Variants in HDAC8 observed in about 807,000 individuals in gnomAD.
HDAC8 encodes the protein histone deacetylase 8, also known as histone deacetylase-like 1.
HDAC8 carries 1 observed loss-of-function variant against 32.2 expected under a neutral mutation model. The observed-to-expected ratio is 0.03, with a 90% CI of 0.01 to 0.15. The LOEUF (loss-of-function observed/expected upper bound fraction) is 0.15, where lower values mean the gene tolerates loss of function less well. Ranked by LOEUF, HDAC8 falls within the 10% of genes least tolerant of loss-of-function variation. The pLI, the probability that HDAC8 is intolerant of heterozygous loss-of-function variation, is 1.00. For synonymous variants in HDAC8, 108 were observed against 113.9 expected (o/e 0.95, Z 0.33); for missense variants, 117 against 300.0 (o/e 0.39, Z 4.51).
intron 4 of HDAC8, among the ~76,000 whole-genome samples, chrX:72,534,648 T>A (rs1012341464): frequency 2.7e-5 from 3 of 111,747 alleles, no homozygotes; most frequent in Non-Finnish European, 3.8e-5. Context: ...AAGACTTGTA[T>A]ACTGAAAATT....
At chrX:72,349,134 C>G (rs1046698689) in intron 10 of HDAC8, among the ~76,000 whole-genome samples, 1 of 112,517 alleles carries the variant, frequency 8.9e-6, no homozygotes, top group Non-Finnish European at 1.9e-5. Context: ...GGGTCCAGCT[C>G]TATGCCTTGT....
intron 4 of HDAC8, among the ~76,000 whole-genome samples, chrX:72,550,588 C>T (rs1250594546): frequency 9.1e-6 from 1 of 110,271 alleles, no homozygotes; most frequent in Non-Finnish European, 1.9e-5. Flanking sequence ...TCACGAAACC[C>T]ACCTTGATAT....
chrX:72,415,432 T>C lies in HDAC8; in HGVS notation c.1005+46572A>G, dbSNP rs782035793. Among the ~76,000 whole-genome samples the C allele has an allele frequency of 2.7e-5, 3 of 112,271 alleles. No individual in the cohort carries two copies. The East Asian group carries it at 8.4e-4, about 31-fold the overall frequency. On this transcript the variant is annotated intron_variant, in intron 9 of 10. Transcript: ENST00000373573. ...ATTCTAGTTTCTCTGTTTTCCCACATGAATTTTACCATAATCTTGTCTATA... is the reference window on the plus strand; with the variant it reads ...ATTCTAGTTTCTCTGTTTTCCCACACGAATTTTACCATAATCTTGTCTATA...
At chrX:72,368,576 C>T (rs781866844) in intron 9 of HDAC8, among the ~76,000 whole-genome samples, 75 of 111,342 alleles carry the variant, frequency 6.7e-4, no homozygotes, top group African/African-American at 2.4e-3. Flanking sequence ...AGGATGGTCT[C>T]GATCTCCTGA....
intron 10 of HDAC8, among the ~76,000 whole-genome samples, chrX:72,338,706 T>C (rs1319953919): frequency 9.9e-6 from 1 of 101,080 alleles, no homozygotes; most frequent in African/African-American, 3.6e-5. Context: ...TATATATTTA[T>C]ATATATATAA....
intron 9 of HDAC8, among the ~76,000 whole-genome samples, chrX:72,381,249 A>G (rs2045259788): frequency 8.9e-6 from 1 of 111,889 alleles, no homozygotes; most frequent in Non-Finnish European, 1.9e-5. Context: ...AGTATACAGA[A>G]GGCATTATTC....
intron 10 of HDAC8, among the ~76,000 whole-genome samples, chrX:72,345,921 C>A (rs1209172049): frequency 1.8e-5 from 2 of 111,640 alleles, no homozygotes; most frequent in African/African-American, 6.5e-5. Flanking sequence ...TCGGCTCAAG[C>A]AATCCACCTG....
At chrX:72,452,733 A>T (rs1241892618) in intron 9 of HDAC8, among the ~76,000 whole-genome samples, 6 of 112,260 alleles carry the variant, frequency 5.3e-5, no homozygotes, top group African/African-American at 1.9e-4. Flanking sequence ...AAATCCAATT[A>T]TTTAAAATCC....
At chrX:72,537,771 A>T (rs2050578003) in intron 4 of HDAC8, among the ~76,000 whole-genome samples, 1 of 112,387 alleles carries the variant, frequency 8.9e-6, no homozygotes, top group South Asian at 3.7e-4. Context: ...TAGTGGTTTA[A>T]GCTCCTCTCA....
chrX:72,560,490 C>T (rs1361466803), intron 4 of HDAC8, among the ~76,000 whole-genome samples: 2 of 103,999 alleles, frequency 1.9e-5, no homozygotes, highest in Non-Finnish European at 3.9e-5. Flanking sequence ...ATCTGCTGAC[C>T]TTCCCTCCAC....
intron 4 of HDAC8, among the ~76,000 whole-genome samples, chrX:72,541,751 C>T (rs949341673): frequency 9.0e-5 from 10 of 110,737 alleles, no homozygotes; most frequent in Non-Finnish European, 7.6e-5. Context: ...GAGGTGTGAA[C>T]GAAAGGAGTC....
chrX:72,462,232 C>A (rs781944853), intron 8 of HDAC8, 134 bp from the exon 9 acceptor site: 4 of 492,150 alleles, frequency 8.1e-6, no homozygotes, highest in East Asian at 3.7e-5. Flanking sequence ...CCTAATCCCC[C>A]CTTTGTGATA....
chrX:72,485,062 C>T (rs1423404352), intron 7 of HDAC8, among the ~76,000 whole-genome samples: 1 of 111,124 alleles, frequency 9.0e-6, no homozygotes, highest in Non-Finnish European at 1.9e-5. Context: ...GTGTGTGGCC[C>T]GGGGATGGGG....
chrX:72,366,946 G>A (rs180890478), intron 9 of HDAC8, among the ~76,000 whole-genome samples: 18 of 112,004 alleles, frequency 1.6e-4, no homozygotes, highest in African/African-American at 5.8e-4. Context: ...TCATTGAAAT[G>A]ATTCTAATTA....
intron 4 of HDAC8, among the ~76,000 whole-genome samples, chrX:72,562,069 T>C (rs2051584219): frequency 8.9e-6 from 1 of 112,317 alleles, no homozygotes; most frequent in East Asian, 2.8e-4. Flanking sequence ...GGAACACTTT[T>C]ACACTGCTGG....
At chrX:72,572,205 C>T in intron 1 of HDAC8, 96 bp from the exon 2 acceptor site, 1 of 837,483 alleles carries the variant, frequency 1.2e-6, no homozygotes, top group East Asian at 3.5e-5. Context: ...CCATCCTGAA[C>T]AAAGGAACGG....
At chrX:72,452,755 A>G (rs2047604815) in intron 9 of HDAC8, among the ~76,000 whole-genome samples, 1 of 112,184 alleles carries the variant, frequency 8.9e-6, no homozygotes, top group Non-Finnish European at 1.9e-5. Context: ...GAATTCAACA[A>G]TATAAAAGTC....
intron 4 of HDAC8, among the ~76,000 whole-genome samples, chrX:72,548,730 G>C (rs2050955228): frequency 9.1e-6 from 1 of 110,177 alleles, no homozygotes; most frequent in Non-Finnish European, 1.9e-5. Flanking sequence ...CTGTCACCCA[G>C]GCTGGAGTGC....
chrX:72,538,847 A>G (rs782282541), intron 4 of HDAC8, among the ~76,000 whole-genome samples: 1 of 112,161 alleles, frequency 8.9e-6, no homozygotes, highest in Admixed American at 9.4e-5. Context: ...AAAAGATTCC[A>G]TTAAATAGAT....
Sources: gnomAD v4.1 joint callset for allele counts (sites outside exome capture counted in the v4.1 genomes callset) on GRCh38, gnomAD v4.1.1 for gene constraint, MANE v1.5 for transcripts, NCBI Gene and HGNC (gene_info 2026-07-23, HGNC 2026-07-21) for gene names.